COMMD10: variants seen among roughly 807,000 people sequenced by gnomAD.
COMMD10 encodes COMM domain-containing protein 10.
Under a neutral mutation model 28.9 loss-of-function variants are expected in COMMD10, and 33 were observed. That is an observed-to-expected ratio of 1.14 (90% CI 0.87 to 1.53). The LOEUF is 1.53. Among genes scored for constraint, COMMD10 ranks in the 40% most tolerant of loss-of-function variants. The pLI is 0.00. For missense variants in COMMD10, 310 were observed against 233.4 expected (o/e 1.33, Z -2.14); for synonymous variants, 110 against 81.7 (o/e 1.35, Z -1.87).
At chr5:116,257,221 A>C (rs4577737) in intron 5 of COMMD10, among the ~76,000 whole-genome samples, 90,696 of 151,390 alleles carry the variant, frequency 0.6, 31,423 homozygotes, top group South Asian at 0.77. Context: ...GGAATTTTCT[A>C]CTTGTAGTGT....
intron 5 of COMMD10, among the ~76,000 whole-genome samples, chr5:116,254,815 C>T (rs888241188): frequency 3.3e-4 from 50 of 151,288 alleles, no homozygotes; most frequent in South Asian, 8.4e-4. Context: ...CTATTAGGTC[C>T]GCTTGGTGCA....
chr5:116,132,446 C>G (rs1161285910), intron 4 of COMMD10, among the ~76,000 whole-genome samples: 1 of 152,120 alleles, frequency 6.6e-6, no homozygotes, highest in Admixed American at 6.6e-5. Context: ...TTTAATTTGT[C>G]TGCATCATCT....
chr5:116,271,298 A>G (rs1382731848), intron 5 of COMMD10, among the ~76,000 whole-genome samples: 1 of 147,066 alleles, frequency 6.8e-6, no homozygotes, highest in Non-Finnish European at 1.5e-5. Context: ...TTATATATTT[A>G]ATATATAAAA....
At chr5:116,103,030 G>A (rs1175861153) in intron 4 of COMMD10, among the ~76,000 whole-genome samples, 2 of 152,136 alleles carry the variant, frequency 1.3e-5, no homozygotes, top group African/African-American at 4.8e-5. Context: ...GTATTCCATG[G>A]TGTATATGTG....
chr5:116,222,531 A>G (rs1391074655), intron 5 of COMMD10, among the ~76,000 whole-genome samples: 1 of 152,160 alleles, frequency 6.6e-6, no homozygotes, highest in African/African-American at 2.4e-5. Context: ...GTATTTGTAA[A>G]GTTGACACTA....
chr5:116,267,954 T>C (rs1455044058), intron 5 of COMMD10, among the ~76,000 whole-genome samples: 3 of 151,690 alleles, frequency 2.0e-5, no homozygotes, highest in African/African-American at 7.3e-5. Context: ...TAATTCGAGA[T>C]GGATTAAAGA....
intron 2 of COMMD10, 46 bp downstream of exon 2, chr5:116,087,633 T>C (rs755884450): frequency 7.8e-7 from 1 of 1,282,790 alleles, no homozygotes; most frequent in East Asian, 2.3e-5. Flanking sequence ...CCTTCTGATT[T>C]AATTGAAAGT....
intron 3 of COMMD10, among the ~76,000 whole-genome samples, chr5:116,092,081 T>G (rs558345157): frequency 6.6e-6 from 1 of 152,368 alleles, no homozygotes; most frequent in African/African-American, 2.4e-5. Context: ...GGTATCAGTG[T>G]TAAAATTTTT....
chr5:116,180,410 C>A (rs937312497), intron 5 of COMMD10, among the ~76,000 whole-genome samples: 1 of 151,992 alleles, frequency 6.6e-6, no homozygotes, highest in African/African-American at 2.4e-5. Context: ...AGGTCCTAGG[C>A]CACTGAAATG....
At chr5:116,251,972 T>G (rs1178422755) in intron 5 of COMMD10, among the ~76,000 whole-genome samples, 4 of 121,374 alleles carry the variant, frequency 3.3e-5, no homozygotes, top group African/African-American at 7.7e-5. Flanking sequence ...CCTGACTTTT[T>G]AATGATTGCC....
chr5:116,260,853 A>G (rs1055502875), intron 5 of COMMD10, among the ~76,000 whole-genome samples: 6 of 151,786 alleles, frequency 4.0e-5, no homozygotes, highest in Non-Finnish European at 5.9e-5. Flanking sequence ...GTAAGAAAAT[A>G]TTTACATAGG....
chr5:116,111,869 G>A (rs1353828555), intron 4 of COMMD10, among the ~76,000 whole-genome samples: 1 of 152,100 alleles, frequency 6.6e-6, no homozygotes, highest in Non-Finnish European at 1.5e-5. Flanking sequence ...GAGTGAGATG[G>A]TGACGTCCCC....
intron 5 of COMMD10, among the ~76,000 whole-genome samples, chr5:116,172,388 G>A (rs1402995667): frequency 6.6e-6 from 1 of 152,106 alleles, no homozygotes; most frequent in African/African-American, 2.4e-5. Context: ...GATACTAATT[G>A]TGTTTTGTAG....
intron 5 of COMMD10, among the ~76,000 whole-genome samples, chr5:116,168,760 T>C (rs113810027): frequency 6.8e-4 from 103 of 152,088 alleles, no homozygotes; most frequent in Non-Finnish European, 1.1e-3. Flanking sequence ...AAGGCAGAAA[T>C]AAAAAGTTCT....
chr5:116,202,727 G>A (rs1445853294), intron 5 of COMMD10, among the ~76,000 whole-genome samples: 2 of 151,164 alleles, frequency 1.3e-5, no homozygotes, highest in Admixed American at 6.6e-5. Context: ...ACTTTTTGAT[G>A]GGGTTGTTTG....
intron 5 of COMMD10, among the ~76,000 whole-genome samples, chr5:116,214,851 A>G (rs1015943058): frequency 6.6e-6 from 1 of 152,098 alleles, no homozygotes; most frequent in Non-Finnish European, 1.5e-5. Flanking sequence ...CTTTTATCAT[A>G]ATATTTTGGA....
intron 4 of COMMD10, among the ~76,000 whole-genome samples, chr5:116,113,650 G>A (rs1024529501): frequency 1.3e-5 from 2 of 151,680 alleles, no homozygotes; most frequent in Non-Finnish European, 2.9e-5. Context: ...TTTTAAAGAC[G>A]TCTATCTCCT....
At chr5:116,255,615 G>A (rs1018084427) in intron 5 of COMMD10, 12 of 151,406 alleles carry the variant, frequency 7.9e-5, no homozygotes, top group African/African-American at 2.7e-4. Flanking sequence ...ATGTTGATGG[G>A]ATATAATTTA....
chr5:116,220,000 G>C (rs916728179), intron 5 of COMMD10, among the ~76,000 whole-genome samples: 1 of 151,924 alleles, frequency 6.6e-6, no homozygotes, highest in Non-Finnish European at 1.5e-5. Context: ...GTCAGGTTTG[G>C]GTCATAAGGT....
Sources: allele counts gnomAD v4.1 joint callset (sites outside exome capture counted in the v4.1 genomes callset), GRCh38; gene constraint gnomAD v4.1.1; transcripts MANE v1.5; gene names NCBI Gene and HGNC (gene_info 2026-07-23, HGNC 2026-07-21).